Variants in CSMD3 observed in about 807,000 individuals in gnomAD.
CSMD3 encodes CUB and Sushi multiple domains 3, also known as CUB and sushi domain-containing protein 3.
In CSMD3, 177 loss-of-function variants were observed where a neutral mutation model predicts 435.2. The ratio of observed to expected loss-of-function variants is 0.41; its 90% CI spans 0.36 to 0.46. The LOEUF is 0.46. Among genes scored for constraint, CSMD3 ranks in the 20% least tolerant of loss-of-function variants. The pLI is 0.34. For synonymous variants in CSMD3, 1,656 were observed against 1,520.5 expected (o/e 1.09, Z -2.07); for missense variants, 4,265 against 4,504.6 (o/e 0.95, Z 1.52).
At chr8:112,287,342 A>C (rs1819307102) in intron 57 of CSMD3, 96 bp from the exon 58 acceptor site, 1 of 1,147,524 alleles carries the variant, frequency 8.7e-7, no homozygotes. Flanking sequence ...GTTTTTGTGC[A>C]TGCGGTGTTT....
chr8:112,238,050 A>G (rs1813758123), intron 66 of CSMD3, among the ~76,000 whole-genome samples: 1 of 152,094 alleles, frequency 6.6e-6, no homozygotes, highest in Admixed American at 6.6e-5. Flanking sequence ...ATACTAGCCA[A>G]AAAGACTTAT....
intron 7 of CSMD3, among the ~76,000 whole-genome samples, chr8:112,961,811 A>G (rs1022439689): frequency 6.6e-6 from 1 of 151,986 alleles, no homozygotes; most frequent in Non-Finnish European, 1.5e-5. Flanking sequence ...GAAATGGAGC[A>G]AATTCAGGAA....
At chr8:112,225,593 GAGA>G (rs1165172120) in intron 70 of CSMD3, among the ~76,000 whole-genome samples, 1 of 152,126 alleles carries the variant, frequency 6.6e-6, no homozygotes, top group Non-Finnish European at 1.5e-5. Flanking sequence ...CGCACAAAAA[GAGA>G]AGGAGATTCC....
At chr8:113,037,861 A>C (rs1239610651) in intron 5 of CSMD3, among the ~76,000 whole-genome samples, 1 of 152,172 alleles carries the variant, frequency 6.6e-6, no homozygotes, top group Non-Finnish European at 1.5e-5. Flanking sequence ...AAGCACATTC[A>C]GGAATAATTT....
intron 27 of CSMD3, among the ~76,000 whole-genome samples, chr8:112,534,324 A>C (rs1825840074): frequency 6.6e-6 from 1 of 152,180 alleles, no homozygotes; most frequent in Non-Finnish European, 1.5e-5. Context: ...AGACACAATA[A>C]AAAATGATAA....
At chr8:112,302,215 T>TTC (rs1365596270) in intron 52 of CSMD3, among the ~76,000 whole-genome samples, 3 of 130,198 alleles carry the variant, frequency 2.3e-5, no homozygotes, top group African/African-American at 8.2e-5. Flanking sequence ...TTTTTTTCAT[T>TTC]TTTTTTTTTT....
At chr8:113,261,310 T>C (rs189832979) in intron 3 of CSMD3, among the ~76,000 whole-genome samples, 49 of 152,288 alleles carry the variant, frequency 3.2e-4, no homozygotes, top group African/African-American at 1.1e-3. Flanking sequence ...TTTGTTTGCT[T>C]CAGGGACTTC....
chr8:112,829,621 A>C, intron 12 of CSMD3, 65 bp downstream of exon 12: 1 of 886,656 alleles, frequency 1.1e-6, no homozygotes, highest in Non-Finnish European at 1.9e-6. Context: ...TAAAACAATA[A>C]TTTGAAAGTA....
In CSMD3 at chr8:112,263,717, C is replaced by T. The variant is rs2130383196; in HGVS notation, c.9784G>A (p.Gly3262Ser). The change falls in exon 61 of 71, where the codon GGC becomes AGC. Residue 3262 changes from glycine to serine, a missense_variant. Transcript: ENST00000297405. ...GFSISYICSP[G>S]YELSFPAVLT... ...ACAGCAGGGAAGGATAGCTCATAGC[C>T]TGGAGAACAGATGTAGCTAATACTA... The T allele has an allele frequency of 6.2e-7, 1 of 1,613,806 alleles. No homozygotes were observed. Among genetic ancestry groups the T allele is most frequent in the Non-Finnish European group, 8.5e-7 (1 of 1,179,788 alleles).
intron 5 of CSMD3, among the ~76,000 whole-genome samples, chr8:113,043,164 A>G (rs2087694123): frequency 6.6e-6 from 1 of 152,200 alleles, no homozygotes; most frequent in South Asian, 2.1e-4. Flanking sequence ...CACATACATA[A>G]TAGGTCACCC....
chr8:112,933,722 C>T (rs531039740), intron 9 of CSMD3, among the ~76,000 whole-genome samples: 10 of 152,014 alleles, frequency 6.6e-5, no homozygotes, highest in East Asian at 3.9e-4. Flanking sequence ...AAAAATAATT[C>T]GACATTTTTT....
chr8:112,978,247 A>G (rs1163839112), intron 6 of CSMD3, among the ~76,000 whole-genome samples: 1 of 152,134 alleles, frequency 6.6e-6, no homozygotes, highest in African/African-American at 2.4e-5. Flanking sequence ...ACTATGTCAC[A>G]TGTCTGAGCA....
chr8:113,333,783 A>C (rs1379906229), intron 1 of CSMD3, among the ~76,000 whole-genome samples: 2 of 151,894 alleles, frequency 1.3e-5, no homozygotes, highest in African/African-American at 4.8e-5. Context: ...AAAATTTAAA[A>C]TAATGTTGTC....
intron 4 of CSMD3, among the ~76,000 whole-genome samples, chr8:113,135,899 T>G (rs2091406053): frequency 6.6e-6 from 1 of 151,830 alleles, no homozygotes; most frequent in African/African-American, 2.4e-5. Flanking sequence ...ATACGTATTT[T>G]AAGTCTAATT....
Position 112,850,858 on chromosome 8 carries a change from A to G in CSMD3, c.1755+8287T>C, listed in dbSNP as rs2080463774. On this transcript the variant is annotated intron_variant, in intron 11 of 70. Coordinates refer to ENST00000297405, the MANE Select transcript of CSMD3 (RefSeq NM_198123.2). ...AGACTGAATACAGATTGGGGCAGAGATGCACTGTCTTTCATCATTATATAG... is the reference window on the plus strand; with the variant it reads ...AGACTGAATACAGATTGGGGCAGAGGTGCACTGTCTTTCATCATTATATAG... Among the ~76,000 whole-genome samples the G allele has an allele frequency of 2.0e-5, 3 of 152,342 alleles. No individual in the cohort carries two copies. The South Asian group carries it at 6.2e-4, about 32-fold the overall frequency.
At chr8:113,355,767 C>CACGG (rs1186190872) in intron 1 of CSMD3, among the ~76,000 whole-genome samples, 1 of 56,612 alleles carries the variant, frequency 1.8e-5, no homozygotes, top group South Asian at 8.6e-4. Flanking sequence ...CACACACACA[C>CACGG]GGGGTGTGTG....
chr8:112,710,102 T>A (rs973594437), intron 13 of CSMD3, among the ~76,000 whole-genome samples: 1 of 152,126 alleles, frequency 6.6e-6, no homozygotes, highest in African/African-American at 2.4e-5. Context: ...GTCCAACATA[T>A]GCCAAGTTGC....
intron 35 of CSMD3, among the ~76,000 whole-genome samples, chr8:112,399,737 G>A (rs920569910): frequency 9.9e-5 from 15 of 152,058 alleles, no homozygotes; most frequent in Admixed American, 6.6e-5. Context: ...TTATAAAGTG[G>A]CATAATCTTT....
chr8:112,233,706 C>G (rs1178505543), intron 68 of CSMD3, among the ~76,000 whole-genome samples: 1 of 152,082 alleles, frequency 6.6e-6, no homozygotes, highest in Non-Finnish European at 1.5e-5. Flanking sequence ...TGAGAGGATA[C>G]AGTCAGATCT....
Sources: gnomAD v4.1 joint callset for allele counts (sites outside exome capture counted in the v4.1 genomes callset) on GRCh38, gnomAD v4.1.1 for gene constraint, MANE v1.5 for transcripts, NCBI Gene and HGNC (gene_info 2026-07-23, HGNC 2026-07-21) for gene names.